The following GDPD1 variants were observed in gnomAD, a reference collection of about 807,000 sequenced individuals.
GDPD1 encodes the protein glycerophosphodiester phosphodiesterase domain containing 1, also known as lysophospholipase D GDPD1.
Under a neutral mutation model 45.1 loss-of-function variants are expected in GDPD1, and 28 were observed. That is an observed-to-expected ratio of 0.62 (90% CI 0.46 to 0.85). The LOEUF (loss-of-function observed/expected upper bound fraction) is 0.85, where lower values mean the gene tolerates loss of function less well. Among genes scored for constraint, GDPD1 ranks in the 40% least tolerant of loss-of-function variants. The probability of loss-of-function intolerance (pLI) is 0.00; values close to 1 mark genes in which losing one functional copy is unlikely to be tolerated. For missense variants in GDPD1, 256 were observed against 364.8 expected (o/e 0.70, Z 2.43); for synonymous variants, 139 against 131.4 (o/e 1.06, Z -0.40).
intron 9 of GDPD1, chr17:59,273,133 CTT>C (rs71145547): frequency 1.4e-4 from 23 of 164,794 alleles, no homozygotes; most frequent in East Asian, 3.4e-4. Flanking sequence ...TTACTTTTTT[CTT>C]TTTTTTTTTT....
rs555507236 is a variant in GDPD1, at chr17:59,275,161, G to A, written c.*1388G>A. The A allele has an allele frequency of 1.3e-6, 2 of 1,537,182 alleles. No homozygotes were observed. Among genetic ancestry groups the A allele is most frequent in the Admixed American group, 3.9e-5 (2 of 50,970 alleles). On this transcript the variant is annotated 3_prime_UTR_variant, in exon 10 of 10. Coordinates refer to ENST00000284116, the MANE Select transcript of GDPD1 (RefSeq NM_182569.4). Reference sequence around the variant, plus strand: ...CCGGCCAGTAAAAGAAATTTTGAAGGCCATTGCAGCTATTTGGTAGTGTCT... The same window carrying A: ...CCGGCCAGTAAAAGAAATTTTGAAGACCATTGCAGCTATTTGGTAGTGTCT...
At position 59,273,966 on chromosome 17, in the gene GDPD1, TTA is replaced by T. The variant is rs2047462010; in HGVS notation, c.*195_*196del. 1 of 757,516 alleles carries T rather than the reference TTA, an allele frequency of 1.3e-6. No individual in the cohort carries two copies. Among genetic ancestry groups the T allele is most frequent in the African/African-American group, 1.9e-5 (1 of 53,026 alleles). 46.9% of individuals were successfully genotyped at this position (757,516 alleles called of 1,614,324 possible). A position where few individuals can be genotyped will look rare whatever the true frequency, so the allele number is the denominator to read the frequency against. On this transcript the variant is annotated 3_prime_UTR_variant, in exon 10 of 10. Transcript: ENST00000284116. ...TTTATTTTAAATAATATTGTATATT[TTA>T]TGTTTGTAAATTGTTTAGAAAGATA...
At chr17:59,230,370 A>ATT (rs942416287) in intron 1 of GDPD1, among the ~76,000 whole-genome samples, 10,564 of 80,060 alleles carry the variant, frequency 0.13, 2,001 homozygotes, top group African/African-American at 0.22. Context: ...CAGTTGTAGA[A>ATT]TTTTTTTTTT....
chr17:59,250,174 CT>C (rs1321813853), intron 4 of GDPD1, among the ~76,000 whole-genome samples: 1 of 152,188 alleles, frequency 6.6e-6, no homozygotes, highest in African/African-American at 2.4e-5. Flanking sequence ...TTTGAGGAAA[CT>C]TTTCTTCATT....
At chr17:59,230,443 C>T (rs890262410) in intron 1 of GDPD1, among the ~76,000 whole-genome samples, 1 of 127,886 alleles carries the variant, frequency 7.8e-6, no homozygotes, top group Non-Finnish European at 1.5e-5. Context: ...AGTGCAATGG[C>T]GCGATCTTGG....
At chr17:59,248,570 A>G (rs66523640) in intron 3 of GDPD1, among the ~76,000 whole-genome samples, 170 bp from the exon 4 acceptor site, 28,663 of 151,998 alleles carry the variant, frequency 0.19, 2,775 homozygotes, top group East Asian at 0.27. Flanking sequence ...AGATGGCATA[A>G]GTAAGTAATA....
chr17:59,265,042 T>C (rs1279614593), intron 6 of GDPD1, among the ~76,000 whole-genome samples: 2 of 151,944 alleles, frequency 1.3e-5, no homozygotes, highest in Admixed American at 6.6e-5. Flanking sequence ...GATTTCACCA[T>C]GTTGGCCAGG....
chr17:59,249,936 G>C (rs1401305857), intron 4 of GDPD1, among the ~76,000 whole-genome samples: 1 of 151,970 alleles, frequency 6.6e-6, no homozygotes, highest in Non-Finnish European at 1.5e-5. Flanking sequence ...TCTAGTCCCA[G>C]CTACTTGGGA....
intron 6 of GDPD1, among the ~76,000 whole-genome samples, chr17:59,260,042 C>T (rs529641604): frequency 1.2e-3 from 121 of 98,260 alleles, no homozygotes; most frequent in Non-Finnish European, 1.7e-3. Flanking sequence ...GCCTGGGTGA[C>T]GGAGCCAGAC....
At chr17:59,264,246 C>T (rs1245188816) in intron 6 of GDPD1, among the ~76,000 whole-genome samples, 7 of 151,206 alleles carry the variant, frequency 4.6e-5, no homozygotes, top group African/African-American at 1.5e-4. Flanking sequence ...ATGATCCACC[C>T]GCCTCAGCCT....
intron 1 of GDPD1, 109 bp downstream of exon 1, chr17:59,220,860 G>T: frequency 1.6e-6 from 2 of 1,257,162 alleles, no homozygotes; most frequent in Middle Eastern, 2.8e-4. Context: ...GAGGAAGAAT[G>T]GGGTTGTGTG....
Position 59,270,930 on chromosome 17 carries a change from C to A in GDPD1, c.711-6C>A. 1 of 1,574,890 alleles carries A rather than the reference C, an allele frequency of 6.3e-7. No homozygotes were observed. The highest frequency in any genetic ancestry group is 8.7e-7 in the Non-Finnish European group (1 of 1,152,038). ...AATTTGTAATTCAAACTTTATTTTACCCTAGGCTAAAAGAACCACACACCA... is the reference window on the plus strand; with the variant it reads ...AATTTGTAATTCAAACTTTATTTTAACCTAGGCTAAAAGAACCACACACCA... On this transcript the variant is annotated splice_polypyrimidine_tract_variant and splice_region_variant and intron_variant, in intron 7 of 9. Coordinates refer to ENST00000284116, the MANE Select transcript of GDPD1 (RefSeq NM_182569.4).
At chr17:59,245,286 T>C in intron 2 of GDPD1, 128 bp from the exon 3 acceptor site, 1 of 606,640 alleles carries the variant, frequency 1.6e-6, no homozygotes, top group Non-Finnish European at 2.9e-6. Flanking sequence ...TCATACTAAG[T>C]GATGGTATTA....
intron 1 of GDPD1, among the ~76,000 whole-genome samples, chr17:59,232,536 A>G (rs1008316548): frequency 2.0e-5 from 3 of 152,176 alleles, no homozygotes; most frequent in African/African-American, 7.2e-5. Flanking sequence ...CTAGTTGTTC[A>G]TTAATTGACC....
intron 6 of GDPD1, among the ~76,000 whole-genome samples, chr17:59,266,348 A>G (rs1405930644): frequency 1.3e-5 from 2 of 150,658 alleles, no homozygotes; most frequent in African/African-American, 4.9e-5. Flanking sequence ...ATATTGTGCC[A>G]CTGCACTCCA....
chr17:59,244,473 C>T lies in GDPD1; in HGVS notation c.186-941C>T, dbSNP rs556548380. Among the ~76,000 whole-genome samples, 86 of 152,080 alleles carry T rather than the reference C, an allele frequency of 5.7e-4. 5 individuals are homozygous for T. In the South Asian group the frequency reaches 0.017, roughly 31 times the overall value. ...GGCCTCCCAAAGTGCTGGGATTAGA[C>T]GCCTGAGCCACCACACCTGGCCAAT... is the stretch of plus-strand genomic sequence containing the variant. On this transcript the variant is annotated intron_variant, in intron 2 of 9. Coordinates refer to ENST00000284116, the MANE Select transcript of GDPD1 (RefSeq NM_182569.4).
intron 7 of GDPD1, among the ~76,000 whole-genome samples, chr17:59,268,113 A>C (rs1457938816): frequency 1.3e-5 from 2 of 152,306 alleles, no homozygotes; most frequent in Admixed American, 6.5e-5. Context: ...CTAAGCACTC[A>C]AGAGTGATAG....
chr17:59,266,868 C>T (rs971091154), intron 6 of GDPD1, among the ~76,000 whole-genome samples, 173 bp from the exon 7 acceptor site: 17 of 152,132 alleles, frequency 1.1e-4, no homozygotes, highest in African/African-American at 4.1e-4. Flanking sequence ...ACCCATTTAT[C>T]AAGGACTAGC....
At chr17:59,266,264 T>C (rs1311307846) in intron 6 of GDPD1, among the ~76,000 whole-genome samples, 1 of 151,728 alleles carries the variant, frequency 6.6e-6, no homozygotes, top group East Asian at 2.0e-4. Context: ...GGTGTGCGCC[T>C]GTAATCTTAG....
Sources: allele counts gnomAD v4.1 joint callset (sites outside exome capture counted in the v4.1 genomes callset), GRCh38; gene constraint gnomAD v4.1.1; transcripts MANE v1.5; gene names NCBI Gene and HGNC (gene_info 2026-07-23, HGNC 2026-07-21).